The following KIAA1549L variants were observed in gnomAD, a reference collection of about 807,000 sequenced individuals.
KIAA1549L encodes the protein KIAA1549 like.
KIAA1549L carries 88 observed loss-of-function variants against 160.7 expected under a neutral mutation model. The ratio of observed to expected loss-of-function variants is 0.55; its 90% CI spans 0.46 to 0.65. The LOEUF (loss-of-function observed/expected upper bound fraction) is 0.65. Among genes scored for constraint, KIAA1549L ranks in the 30% least tolerant of loss-of-function variants. The pLI, the probability that KIAA1549L is intolerant of heterozygous loss-of-function variation, is 0.00. For synonymous variants in KIAA1549L, 950 were observed against 976.7 expected (o/e 0.97, Z 0.51); for missense variants, 2,258 against 2,437.5 (o/e 0.93, Z 1.55).
In KIAA1549L at chr11:33,525,682, C is replaced by T. The variant is rs1352579033; in HGVS notation, c.239-16120C>T. Among the ~76,000 whole-genome samples, 6 of 152,176 alleles carry T rather than the reference C, an allele frequency of 3.9e-5. No individual in the cohort carries two copies. The East Asian group carries it at 1.2e-3, about 29-fold the overall frequency. The stretch of plus-strand genomic sequence containing the variant: ...GGCAGGGAGAGGTAAAGCCTGACAG[C>T]CCCACTTGCTTTCTTGGTGGAGAGG... On this transcript the variant is annotated intron_variant, in intron 1 of 20. Transcript: ENST00000658780.
At chr11:33,632,100 C>G (rs1851306684) in intron 16 of KIAA1549L, among the ~76,000 whole-genome samples, 1 of 152,194 alleles carries the variant, frequency 6.6e-6, no homozygotes, top group Non-Finnish European at 1.5e-5. Context: ...GCAAAAGCAA[C>G]AGAAACTCCA....
intron 12 of KIAA1549L, among the ~76,000 whole-genome samples, chr11:33,597,798 A>G (rs1466588643): frequency 6.6e-6 from 1 of 152,060 alleles, no homozygotes; most frequent in African/African-American, 2.4e-5. Flanking sequence ...TGGGACAGCA[A>G]AGGGAAGGTG....
At chr11:33,667,165 A>G (rs1306439483) in intron 20 of KIAA1549L, among the ~76,000 whole-genome samples, 1 of 152,162 alleles carries the variant, frequency 6.6e-6, no homozygotes, top group Admixed American at 6.6e-5. Context: ...CCACTGCACT[A>G]CAGCCTGGAT....
rs1854184817 is a variant in KIAA1549L, at chr11:33,544,905, G to C, written c.2912G>C (p.Gly971Ala). The C allele has an allele frequency of 6.2e-7, 1 of 1,613,434 alleles. No individual in the cohort carries two copies. Among genetic ancestry groups the C allele is most frequent in the Non-Finnish European group, 8.5e-7 (1 of 1,179,638 alleles). The change falls in exon 3 of 21, where the codon GGA becomes GCA. Residue 971 changes from glycine (G) to alanine (A), a missense_variant. This residue lies in a region of KIAA1549L where 1,359 missense variants were observed against 1,546.6 expected (regional missense o/e 0.88). Transcript: ENST00000658780. ...AGCAGCCCTTTGGCCGTGGCCTCAG[G>C]ACCAGCTAAGAGCAGTTCGATGACT... ...TSSSPLAVAS[G>A]PAKSSSMTTL...
At chr11:33,637,804 A>G (rs760311372) in intron 16 of KIAA1549L, among the ~76,000 whole-genome samples, 5 of 152,152 alleles carry the variant, frequency 3.3e-5, no homozygotes, top group Non-Finnish European at 7.4e-5. Flanking sequence ...GGTCCACTCT[A>G]ATGACCTCAT....
intron 18 of KIAA1549L, 80 bp downstream of exon 18, chr11:33,656,189 CG>C: frequency 1.9e-6 from 2 of 1,072,914 alleles, no homozygotes; most frequent in Non-Finnish European, 2.8e-6. Flanking sequence ...ACAACAGCAC[CG>C]GCAAATTTCC....
intron 16 of KIAA1549L, among the ~76,000 whole-genome samples, chr11:33,638,405 T>TGTATGAG (rs1851495506): frequency 5.7e-5 from 1 of 17,494 alleles, no homozygotes; most frequent in Non-Finnish European, 9.0e-5. Flanking sequence ...CTATGTTATT[T>TGTATGAG]TATTCTCTAA....
chr11:33,654,507 A>G lies in KIAA1549L; in HGVS notation c.5761-1505A>G, dbSNP rs902660099. ...TACTTTTCTCCAACAAGGATTTACA[A>G]TTGCTTCTGCCTGAGCTGGGATCAT... On this transcript the variant is annotated intron_variant, in intron 17 of 20. Coordinates refer to ENST00000658780, the MANE Select transcript of KIAA1549L (RefSeq NM_012194.3). 3.3e-5 allele frequency among the ~76,000 whole-genome samples: 5 copies of G among 152,166 alleles called. No homozygotes were observed. In the South Asian group the frequency reaches 6.2e-4, roughly 19 times the overall value.
intron 10 of KIAA1549L, among the ~76,000 whole-genome samples, chr11:33,580,587 A>AAAAAAAAAAAAAAG (rs1554994225): frequency 1.6e-5 from 2 of 127,534 alleles, no homozygotes; most frequent in East Asian, 2.1e-4. Context: ...AAAAAAAAAA[A>AAAAAAAAAAAAAAG]AAAAGAAAAG....
intron 1 of KIAA1549L, among the ~76,000 whole-genome samples, chr11:33,530,424 AAAAAAAAAAAAAATAT>A (rs1410701511): frequency 7.9e-4 from 15 of 18,958 alleles, no homozygotes; most frequent in African/African-American, 2.8e-3. Context: ...GAAAAAAAAA[AAAAAAAAAAAAAATAT>A]ATATATATAT....
intron 1 of KIAA1549L, among the ~76,000 whole-genome samples, chr11:33,478,545 C>T (rs144086242): frequency 1.3e-5 from 2 of 152,268 alleles, no homozygotes; most frequent in Non-Finnish European, 2.9e-5. Context: ...CCATTTCTGT[C>T]CTTTTAAAGA....
chr11:33,625,309 T>C (rs898523565), intron 16 of KIAA1549L, among the ~76,000 whole-genome samples: 2 of 152,108 alleles, frequency 1.3e-5, no homozygotes, highest in East Asian at 1.9e-4. Context: ...GTATTTCTAG[T>C]TCTATATCCC....
intron 10 of KIAA1549L, among the ~76,000 whole-genome samples, chr11:33,576,369 T>C (rs1433449132): frequency 6.6e-6 from 1 of 152,234 alleles, no homozygotes; most frequent in Non-Finnish European, 1.5e-5. Flanking sequence ...GGTCACTCTC[T>C]GCAATCTTGT....
chr11:33,575,574 A>G (rs1470485365), intron 10 of KIAA1549L, among the ~76,000 whole-genome samples: 1 of 152,168 alleles, frequency 6.6e-6, no homozygotes, highest in Non-Finnish European at 1.5e-5. Context: ...AAATGAAATA[A>G]CCTGCTCGGC....
intron 16 of KIAA1549L, among the ~76,000 whole-genome samples, chr11:33,642,008 A>G (rs1456469579): frequency 6.6e-6 from 1 of 152,128 alleles, no homozygotes; most frequent in Non-Finnish European, 1.5e-5. Context: ...CTGTTAAGCA[A>G]AAGGACAAAC....
Position 33,669,823 on chromosome 11 carries a change from GT to G in KIAA1549L, c.*1670del, listed in dbSNP as rs1234293446. On this transcript the variant is annotated 3_prime_UTR_variant, in exon 21 of 21. Transcript: ENST00000658780. Reference sequence around the variant, plus strand: ...GATGTGTCATGGAACCTTCAAACAAGTCTCTTGTTCGGATGATAATAGGTAG... The same window carrying G: ...GATGTGTCATGGAACCTTCAAACAAGCTCTTGTTCGGATGATAATAGGTAG... 1 of 152,224 alleles carries G rather than the reference GT, an allele frequency of 6.6e-6. No homozygotes were observed. The highest frequency in any genetic ancestry group is 1.5e-5 in the Non-Finnish European group (1 of 68,038). The allele number at this position is 152,224 out of a possible 1,614,324, so 9.4% of individuals were successfully genotyped here. A position where few individuals can be genotyped will look rare whatever the true frequency, so the allele number is the denominator to read the frequency against.
intron 20 of KIAA1549L, among the ~76,000 whole-genome samples, chr11:33,666,845 G>A (rs193298814): frequency 3.9e-5 from 6 of 152,180 alleles, no homozygotes; most frequent in African/African-American, 7.2e-5. Flanking sequence ...GCCTTAGACC[G>A]TGGCACTCTT....
At chr11:33,399,685 G>T (rs1306457567) in intron 1 of KIAA1549L, among the ~76,000 whole-genome samples, 3 of 152,184 alleles carry the variant, frequency 2.0e-5, no homozygotes, top group Non-Finnish European at 4.4e-5. Flanking sequence ...TTTTGGCTTT[G>T]CACGCTGACT....
At chr11:33,438,560 A>G (rs564316262) in intron 1 of KIAA1549L, among the ~76,000 whole-genome samples, 3 of 152,338 alleles carry the variant, frequency 2.0e-5, no homozygotes, top group East Asian at 3.9e-4. Context: ...CTGGCCAGCA[A>G]TCCCCGGCCA....
Sources: gnomAD v4.1 joint callset for allele counts (sites outside exome capture counted in the v4.1 genomes callset) on GRCh38, gnomAD v4.1.1 for gene constraint, gnomAD v4.1.1 regional missense constraint, MANE v1.5 for transcripts, NCBI Gene and HGNC (gene_info 2026-07-23, HGNC 2026-07-21) for gene names.